Variants in TRIM49 observed in about 807,000 individuals in gnomAD.
TRIM49 encodes tripartite motif-containing protein 49.
Under a neutral mutation model 27.4 loss-of-function variants are expected in TRIM49, and 5 were observed. That is an observed-to-expected ratio of 0.18 (90% confidence interval 0.10 to 0.38). The LOEUF (loss-of-function observed/expected upper bound fraction) is 0.38. Among genes scored for constraint, TRIM49 ranks in the 10% least tolerant of loss-of-function variants. TRIM49 has a pLI of 1.00. For missense variants in TRIM49, 188 were observed against 487.5 expected (o/e 0.39, Z 5.79); for synonymous variants, 69 against 166.0 (o/e 0.42, Z 4.49).
the TRIM49 span, among the ~76,000 whole-genome samples, chr11:89,774,350 C>T: frequency 2.1e-4 from 32 of 151,098 alleles, 1 homozygote; most frequent in African/African-American, 7.4e-4. Context: ...AACTTTCTTG[C>T]GTCTCATTCC....
chr11:89,769,235 T>C, the TRIM49 span, among the ~76,000 whole-genome samples: 8 of 131,548 alleles, frequency 6.1e-5, 1 homozygote, highest in Non-Finnish European at 1.2e-4. Flanking sequence ...GCGCATCTGC[T>C]CTTTAGGTTT....
chr11:89,793,388 C>G (rs1453062443), downstream of TRIM49, among the ~76,000 whole-genome samples: 1 of 152,142 alleles, frequency 6.6e-6, no homozygotes. Flanking sequence ...TTTTATGAGG[C>G]CAGCATCATC....
chr11:89,783,947 G>C, the TRIM49 span, among the ~76,000 whole-genome samples: 1 of 143,828 alleles, frequency 7.0e-6, no homozygotes, highest in Non-Finnish European at 1.5e-5. Flanking sequence ...CCATGCAGCA[G>C]GAAAGCCGGG....
chr11:89,790,546 C>G, the TRIM49 span, among the ~76,000 whole-genome samples: 1 of 151,986 alleles, frequency 6.6e-6, no homozygotes, highest in South Asian at 2.1e-4. Flanking sequence ...TCCTCTGAGA[C>G]GAAGCTTCTA....
chr11:89,804,564 C>A (rs1949772953), intron 2 of TRIM49, 91 bp from the exon 3 acceptor site: 5 of 1,383,746 alleles, frequency 3.6e-6, no homozygotes, highest in Non-Finnish European at 4.9e-6. Flanking sequence ...ATATTTTCTT[C>A]TCTTGACAGT....
intron 6 of TRIM49, among the ~76,000 whole-genome samples, 193 bp from the exon 7 acceptor site, chr11:89,800,006 GAATCC>G (rs1357203337): frequency 6.7e-6 from 1 of 150,080 alleles, no homozygotes; most frequent in Non-Finnish European, 1.5e-5. Context: ...ATCTAAGCCA[GAATCC>G]AATCTGATCC....
chr11:89,798,340 A>C lies in TRIM49; in HGVS notation c.1149T>G (p.Val383=). The C allele has an allele frequency of 6.4e-7, 1 of 1,573,776 alleles. No individual in the cohort carries two copies. The highest frequency in any genetic ancestry group is 8.6e-7 in the Non-Finnish European group (1 of 1,163,660). ...AGAGACTGCATTGAATGTCATTCTTAACACACCCAAGAAGAAAGAGTCCCG... is the reference window on the plus strand; with the variant it reads ...AGAGACTGCATTGAATGTCATTCTTCACACACCCAAGAAGAAAGAGTCCCG... ...GKAGLFLLGC[V]KNDIQCSLFT... The change falls in exon 8 of 8, where the codon GTT becomes GTG. Residue 383 remains valine (V), a synonymous_variant. Transcript: ENST00000329758.
At chr11:89,806,022 G>A (rs1348027230) in intron 2 of TRIM49, among the ~76,000 whole-genome samples, 1 of 150,768 alleles carries the variant, frequency 6.6e-6, no homozygotes, top group African/African-American at 2.5e-5. Context: ...GCCCAGCCCG[G>A]CGGTTTCATT....
At chr11:89,790,778 A>G in the TRIM49 span, among the ~76,000 whole-genome samples, 1 of 148,550 alleles carries the variant, frequency 6.7e-6, no homozygotes, top group Non-Finnish European at 1.5e-5. Flanking sequence ...CCAAAGGTAG[A>G]TAAAACCACA....
chr11:89,791,299 T>C, the TRIM49 span, among the ~76,000 whole-genome samples: 1 of 151,334 alleles, frequency 6.6e-6, no homozygotes, highest in Non-Finnish European at 1.5e-5. Flanking sequence ...GGAGTATGGA[T>C]ACGAGTTGGA....
At chr11:89,773,321 AG>A in the TRIM49 span, among the ~76,000 whole-genome samples, 4 of 121,810 alleles carry the variant, frequency 3.3e-5, no homozygotes, top group African/African-American at 1.7e-4. Context: ...TTATTCAAAA[AG>A]GTGGATGAAT....
the TRIM49 span, chr11:89,787,889 G>A: frequency 4.3e-5 from 18 of 416,084 alleles, 1 homozygote; most frequent in South Asian, 5.0e-4. Context: ...CAAGGCCGCG[G>A]GGCTGGGCAC....
At chr11:89,793,864 C>T (rs1195502740), downstream of TRIM49, among the ~76,000 whole-genome samples, 2 of 151,942 alleles carry the variant, frequency 1.3e-5, no homozygotes, top group Admixed American at 6.6e-5. Context: ...TACTATCCAA[C>T]ACAGTTTTGG....
downstream of TRIM49, among the ~76,000 whole-genome samples, chr11:89,796,683 A>G (rs1354621523): frequency 2.7e-3 from 400 of 149,154 alleles, no homozygotes; most frequent in African/African-American, 9.5e-3. Context: ...TCTTAACTTC[A>G]ATTTTATCGT....
chr11:89,790,687 T>C, the TRIM49 span, among the ~76,000 whole-genome samples: 1 of 151,878 alleles, frequency 6.6e-6, no homozygotes, highest in Admixed American at 6.5e-5. Context: ...CAGCTGAGGG[T>C]CCTGACTGTT....
the TRIM49 span, chr11:89,787,887 C>T: frequency 5.3e-5 from 22 of 411,750 alleles, 1 homozygote; most frequent in South Asian, 2.7e-4. Flanking sequence ...GGCAAGGCCG[C>T]GGGGCTGGGC....
At position 89,798,496 on chromosome 11, in the gene TRIM49, C is replaced by T. The variant is rs773548192; in HGVS notation, c.993G>A (p.Trp331Ter). The change falls in exon 8 of 8, where the codon TGG becomes TGA. Residue 331 changes from tryptophan to a stop codon, truncating the protein, a stop_gained. Transcript: ENST00000329758. LOFTEE classifies it low-confidence loss of function (END_TRUNC). ...TGCCCGAGGTGAAAGTCTGAACACC[C>T]CATGCAAGAAAACTTCTAGGTGTTG... Reference protein sequence around the residue: ...FTATPRSFLAWGVQTFTSGKY... With the variant: ...FTATPRSFLA 6.3e-7 allele frequency: 1 copy of T among 1,593,856 alleles called. No individual in the cohort carries two copies. Among genetic ancestry groups the T allele is most frequent in the Non-Finnish European group, 8.5e-7 (1 of 1,173,800 alleles).
At chr11:89,800,715 C>T (rs1949728355) in intron 6 of TRIM49, among the ~76,000 whole-genome samples, 2 of 150,538 alleles carry the variant, frequency 1.3e-5, no homozygotes, top group Admixed American at 1.3e-4. Flanking sequence ...TGCACTCCAG[C>T]CTGGGCGACA....
downstream of TRIM49, among the ~76,000 whole-genome samples, chr11:89,796,796 C>T (rs1722171908): frequency 6.6e-6 from 1 of 151,922 alleles, no homozygotes; most frequent in South Asian, 2.1e-4. Flanking sequence ...ATAAATACAC[C>T]AAATTTATTT....
Sources: allele counts gnomAD v4.1 joint callset (sites outside exome capture counted in the v4.1 genomes callset), GRCh38; gene constraint gnomAD v4.1.1; transcripts MANE v1.5; gene names NCBI Gene and HGNC (gene_info 2026-07-23, HGNC 2026-07-21).